C12orf42: variants seen among roughly 807,000 people sequenced by gnomAD.
The protein encoded by C12orf42 is uncharacterized protein C12orf42.
C12orf42 carries 25 observed loss-of-function variants against 21.6 expected under a neutral mutation model. The observed-to-expected ratio is 1.16, with a 90% confidence interval of 0.84 to 1.62. C12orf42 has a LOEUF of 1.62. Ranked by LOEUF, C12orf42 falls within the 40% of genes most tolerant of loss-of-function variation. The pLI, the probability that C12orf42 is intolerant of heterozygous loss-of-function variation, is 0.00. For synonymous variants in C12orf42, 174 were observed against 175.0 expected, an observed-to-expected ratio of 0.99 and a Z score of 0.05; for missense variants, 483 against 459.3, an observed-to-expected ratio of 1.05 and a Z score of -0.47.
chr12:103,134,802 T>C, the C12orf42 span, among the ~76,000 whole-genome samples: 1 of 152,138 alleles, frequency 6.6e-6, no homozygotes, highest in Non-Finnish European at 1.5e-5. Context: ...TTCTTCTCCA[T>C]GGCAAATGAT....
At chr12:103,509,316 TA>T in the C12orf42 span, among the ~76,000 whole-genome samples, 4 of 152,108 alleles carry the variant, frequency 2.6e-5, no homozygotes, top group East Asian at 3.8e-4. Flanking sequence ...CATTCATCAC[TA>T]CCCAATTGAG....
chr12:103,394,475 G>A (rs574713451), intron 3 of C12orf42, among the ~76,000 whole-genome samples: 2 of 152,300 alleles, frequency 1.3e-5, no homozygotes, highest in East Asian at 3.9e-4. Flanking sequence ...TGGAAAAGAT[G>A]CAGTCCAAGG....
the C12orf42 span, among the ~76,000 whole-genome samples, chr12:103,110,456 G>A: frequency 3.3e-5 from 5 of 152,176 alleles, no homozygotes; most frequent in Non-Finnish European, 4.4e-5. Context: ...TGAAGAAAGA[G>A]TTTAATGGGA....
chr12:103,229,629 G>A, the C12orf42 span, among the ~76,000 whole-genome samples: 1 of 152,184 alleles, frequency 6.6e-6, no homozygotes, highest in African/African-American at 2.4e-5. Flanking sequence ...TGCTTCTGAA[G>A]TCCCTTGTGT....
chr12:103,074,466 T>G, the C12orf42 span, among the ~76,000 whole-genome samples: 1 of 152,032 alleles, frequency 6.6e-6, no homozygotes, highest in Non-Finnish European at 1.5e-5. Flanking sequence ...CCTCCAAATA[T>G]TATCAAACAG....
chr12:103,401,382 C>A (rs148365080), intron 3 of C12orf42, among the ~76,000 whole-genome samples: 105 of 152,272 alleles, frequency 6.9e-4, no homozygotes, highest in African/African-American at 2.3e-3. Context: ...TCTAGGTGTA[C>A]ATATCTGCGT....
the C12orf42 span, among the ~76,000 whole-genome samples, chr12:103,529,764 G>A: frequency 6.6e-6 from 1 of 152,128 alleles, no homozygotes; most frequent in Non-Finnish European, 1.5e-5. Context: ...TATGAGGTTT[G>A]GCTATTTCAA....
At chr12:103,186,263 G>T in the C12orf42 span, among the ~76,000 whole-genome samples, 3 of 152,108 alleles carry the variant, frequency 2.0e-5, no homozygotes, top group East Asian at 5.8e-4. Flanking sequence ...AGTTCGTAGG[G>T]TTCCATAAAG....
chr12:103,390,627 G>C (rs996249933), intron 3 of C12orf42, among the ~76,000 whole-genome samples: 2 of 152,212 alleles, frequency 1.3e-5, no homozygotes, highest in African/African-American at 2.4e-5. Flanking sequence ...TTGATCTGCT[G>C]TCTACAAGCT....
chr12:103,377,604 G>A (rs1049183046), intron 3 of C12orf42, among the ~76,000 whole-genome samples: 11 of 151,992 alleles, frequency 7.2e-5, no homozygotes, highest in African/African-American at 2.4e-4. Flanking sequence ...CCTCATCCCC[G>A]AGCTGGGAGT....
intron 2 of C12orf42, among the ~76,000 whole-genome samples, chr12:103,445,929 C>T (rs1353964833): frequency 6.6e-6 from 1 of 151,854 alleles, no homozygotes; most frequent in Non-Finnish European, 1.5e-5. Flanking sequence ...TTGTATATGG[C>T]AAGAGGCGAA....
chr12:103,136,037 G>A, the C12orf42 span, among the ~76,000 whole-genome samples: 26 of 152,214 alleles, frequency 1.7e-4, no homozygotes, highest in African/African-American at 6.0e-4. Context: ...AGTATTAGAA[G>A]TCCTGGCCAG....
At chr12:103,065,240 A>G in the C12orf42 span, among the ~76,000 whole-genome samples, 20 of 152,342 alleles carry the variant, frequency 1.3e-4, no homozygotes, top group African/African-American at 4.6e-4. Context: ...ATCTTGGAGA[A>G]TGACAATGGA....
chr12:103,104,434 GTTGT>G, the C12orf42 span, among the ~76,000 whole-genome samples: 1 of 151,994 alleles, frequency 6.6e-6, no homozygotes, highest in South Asian at 2.1e-4. Context: ...CATGTTTGTT[GTTGT>G]TTGTTTATTT....
the C12orf42 span, among the ~76,000 whole-genome samples, chr12:103,216,463 C>T: frequency 2.0e-5 from 3 of 151,634 alleles, no homozygotes; most frequent in East Asian, 1.9e-4. Context: ...CTCCACCTCC[C>T]GGGTTCACGC....
At chr12:103,560,966 C>T in the C12orf42 span, among the ~76,000 whole-genome samples, 1 of 152,226 alleles carries the variant, frequency 6.6e-6, no homozygotes, top group African/African-American at 2.4e-5. Flanking sequence ...ATTCAATCCA[C>T]ATCAAATCTG....
intron 4 of C12orf42, chr12:103,367,896 T>C (rs1331479170): frequency 2.7e-6 from 1 of 364,234 alleles, no homozygotes; most frequent in African/African-American, 2.1e-5. Context: ...CAACTAAACC[T>C]TTCAATGGCC....
At chr12:103,495,495 G>A (rs1955474869) in intron 1 of C12orf42, among the ~76,000 whole-genome samples, 1 of 152,016 alleles carries the variant, frequency 6.6e-6, no homozygotes, top group Non-Finnish European at 1.5e-5. Flanking sequence ...GGAGGGCGGC[G>A]GTGGCATCGC....
intron 4 of C12orf42, among the ~76,000 whole-genome samples, chr12:103,355,177 C>A (rs931716112): frequency 9.9e-5 from 15 of 152,070 alleles, no homozygotes; most frequent in Non-Finnish European, 2.1e-4. Flanking sequence ...TCTGTGTATA[C>A]CCAGCTCCTA....
Sources: gnomAD v4.1 joint callset for allele counts (sites outside exome capture counted in the v4.1 genomes callset) on GRCh38, gnomAD v4.1.1 for gene constraint, MANE v1.5 for transcripts, NCBI Gene and HGNC (gene_info 2026-07-23, HGNC 2026-07-21) for gene names.